Variants in TMEM232 observed in about 807,000 individuals in gnomAD.
TMEM232 encodes transmembrane protein 232.
TMEM232 carries 80 observed loss-of-function variants against 78.8 expected under a neutral mutation model. The observed-to-expected ratio is 1.01, with a 90% CI of 0.85 to 1.22. TMEM232 has a LOEUF of 1.22. Among genes scored for constraint, TMEM232 ranks in the 50% most tolerant of loss-of-function variants. The pLI, the probability that TMEM232 is intolerant of heterozygous loss-of-function variation, is 0.00. For missense variants in TMEM232, 881 were observed against 742.2 expected (o/e 1.19, Z -2.17); for synonymous variants, 297 against 254.3 (o/e 1.17, Z -1.60).
intron 12 of TMEM232, among the ~76,000 whole-genome samples, chr5:110,453,363 G>A (rs539362670): frequency 1.3e-5 from 2 of 151,952 alleles, no homozygotes; most frequent in Non-Finnish European, 2.9e-5. Context: ...GTGCAGTGGT[G>A]CAATCTTGGC....
chr5:110,647,720 T>A (rs1580492571), intron 2 of TMEM232, among the ~76,000 whole-genome samples: 1 of 152,058 alleles, frequency 6.6e-6, no homozygotes, highest in East Asian at 1.9e-4. Flanking sequence ...ATCCAATAAT[T>A]CCTTTATTGA....
chr5:110,714,094 C>T (rs149252560), intron 1 of TMEM232, among the ~76,000 whole-genome samples: 1 of 152,278 alleles, frequency 6.6e-6, no homozygotes, highest in Non-Finnish European at 1.5e-5. Context: ...CTCACCCTGC[C>T]ATGGACTCTT....
intron 5 of TMEM232, among the ~76,000 whole-genome samples, chr5:110,631,339 T>C (rs1039450447): frequency 3.3e-5 from 5 of 152,106 alleles, no homozygotes; most frequent in Non-Finnish European, 7.4e-5. Context: ...ACAAATTCTG[T>C]GATCAGGCTT....
chr5:110,590,609 C>A (rs1415817567), intron 10 of TMEM232, among the ~76,000 whole-genome samples: 1 of 152,056 alleles, frequency 6.6e-6, no homozygotes, highest in South Asian at 2.1e-4. Flanking sequence ...GGAAACTGGT[C>A]TCTGGTGCCA....
At chr5:110,610,442 C>A in intron 8 of TMEM232, 1 of 322,148 alleles carries the variant, frequency 3.1e-6, no homozygotes, top group Non-Finnish European at 6.1e-6. Flanking sequence ...AATAAAAACC[C>A]CTAAGCACAG....
intron 12 of TMEM232, among the ~76,000 whole-genome samples, chr5:110,490,154 AAAGAAAGAAAG>A (rs1764901404): frequency 7.1e-6 from 1 of 140,558 alleles, no homozygotes; most frequent in Non-Finnish European, 1.5e-5. Context: ...AGAAAGAAAG[AAAGAAAGAAAG>A]AAAGAAAGAA....
At chr5:110,649,869 G>A (rs1330864739) in intron 2 of TMEM232, among the ~76,000 whole-genome samples, 1 of 152,050 alleles carries the variant, frequency 6.6e-6, no homozygotes, top group African/African-American at 2.4e-5. Context: ...CATCCCAGGA[G>A]CCAGACTTCC....
intron 12 of TMEM232, among the ~76,000 whole-genome samples, chr5:110,486,375 G>T (rs1409298340): frequency 6.6e-6 from 1 of 151,926 alleles, no homozygotes. Context: ...TTGGGTTCTT[G>T]GTCATGAAAT....
intron 1 of TMEM232, among the ~76,000 whole-genome samples, chr5:110,685,385 G>A (rs1490932567): frequency 6.6e-6 from 1 of 152,046 alleles, no homozygotes; most frequent in African/African-American, 2.4e-5. Context: ...AACAAAATCT[G>A]AGAAAGATCA....
chr5:110,640,367 G>A (rs1316153724), intron 4 of TMEM232, among the ~76,000 whole-genome samples: 2 of 151,950 alleles, frequency 1.3e-5, no homozygotes, highest in Non-Finnish European at 2.9e-5. Flanking sequence ...AAATGATAGT[G>A]ATGGAAAGAA....
intron 10 of TMEM232, among the ~76,000 whole-genome samples, chr5:110,589,633 C>A (rs980212399): frequency 6.6e-6 from 1 of 152,008 alleles, no homozygotes; most frequent in African/African-American, 2.4e-5. Context: ...ACTTTTATTG[C>A]CTCAGTTTTC....
At chr5:110,514,167 T>C (rs1768231334) in intron 12 of TMEM232, among the ~76,000 whole-genome samples, 1 of 152,168 alleles carries the variant, frequency 6.6e-6, no homozygotes, top group South Asian at 2.1e-4. Flanking sequence ...TTTCATACTA[T>C]GTCTTATCAC....
rs139193427 is a variant in TMEM232, at chr5:110,689,510, C to G, written c.-12-22146G>C. 2.0e-5 allele frequency among the ~76,000 whole-genome samples: 3 copies of G among 151,992 alleles called. No homozygotes were observed. In the East Asian group the frequency reaches 5.8e-4, roughly 29 times the overall value. On this transcript the variant is annotated intron_variant, in intron 1 of 13. Transcript: ENST00000455884. ...AAGTGTTTACAGGTGCTTTAGAAACCCTTGGACAAGATAGGAAGAATCAAT... is the reference window on the plus strand; with the variant it reads ...AAGTGTTTACAGGTGCTTTAGAAACGCTTGGACAAGATAGGAAGAATCAAT...
Position 110,528,813 on chromosome 5 carries a change from T to C in TMEM232, c.1478A>G (p.Asp493Gly). The C allele has an allele frequency of 6.7e-7, 1 of 1,488,222 alleles. No homozygotes were observed. The highest frequency in any genetic ancestry group is 2.2e-5 in the Admixed American group (1 of 46,296). 92.2% of individuals were successfully genotyped at this position (1,488,222 alleles called of 1,614,324 possible). ...IAQAELNDPT[D>G]PFTRYSTNIS... is the part of the protein sequence containing the mutation. ...ATTTGTACTATATCTAGTGAAAGGA[T>C]CAGTTGGGTCATTTAACTCAGCCTG... The change falls in exon 12 of 14, where the codon GAT becomes GGT. Residue 493 changes from aspartate to glycine, a missense_variant. Asp to Gly is a moderately conservative substitution (Grantham distance 94). Coordinates refer to ENST00000455884, the MANE Select transcript of TMEM232 (RefSeq NM_001039763.4).
At position 110,429,480 on chromosome 5, in the gene TMEM232, G is replaced by A. The variant is rs112637266; in HGVS notation, c.1704-4564C>T. On this transcript the variant is annotated intron_variant, in intron 12 of 13. Coordinates refer to ENST00000455884, the MANE Select transcript of TMEM232 (RefSeq NM_001039763.4). Reference sequence around the variant, plus strand: ...CATACTGGTAAAAAGTGAGTGTCCCGTTAGGCAGGAGATATTCCCCAGGAG... The same window carrying A: ...CATACTGGTAAAAAGTGAGTGTCCCATTAGGCAGGAGATATTCCCCAGGAG... 6.1e-3 allele frequency among the ~76,000 whole-genome samples: 930 copies of A among 151,848 alleles called. 10 individuals carry two copies. Among genetic ancestry groups the A allele is most frequent in the African/African-American group, 0.021 (866 of 41,490 alleles).
In TMEM232 at chr5:110,559,676, A is replaced by G. The variant is rs867458951; in HGVS notation, c.1455+8771T>C. On this transcript the variant is annotated intron_variant, in intron 11 of 13. Transcript: ENST00000455884. ...ACGTTAAAAAGGCTGAAAATTTTTC[A>G]GTATTGGTAAGGATTATGTATTAGT... is the stretch of plus-strand genomic sequence containing the variant. Among the ~76,000 whole-genome samples the G allele has an allele frequency of 3.9e-5, 6 of 152,314 alleles. No individual in the cohort carries two copies. The East Asian group carries it at 1.2e-3, about 29-fold the overall frequency.
intron 12 of TMEM232, among the ~76,000 whole-genome samples, chr5:110,484,120 AT>A (rs1764208226): frequency 6.6e-6 from 1 of 152,096 alleles, no homozygotes; most frequent in South Asian, 2.1e-4. Context: ...TTAAGTACAC[AT>A]GGATATAAAG....
chr5:110,585,171 C>T (rs374585643), intron 10 of TMEM232, among the ~76,000 whole-genome samples: 3 of 152,024 alleles, frequency 2.0e-5, no homozygotes, highest in African/African-American at 7.2e-5. Flanking sequence ...AAAGTTCCAG[C>T]GTGTGTTTTT....
chr5:110,584,262 CAG>C (rs1778546318), intron 10 of TMEM232, among the ~76,000 whole-genome samples: 1 of 151,664 alleles, frequency 6.6e-6, no homozygotes, highest in Non-Finnish European at 1.5e-5. Flanking sequence ...TGTCTGTTGA[CAG>C]ATGAATGGAT....
Sources: allele counts gnomAD v4.1 joint callset (sites outside exome capture counted in the v4.1 genomes callset), GRCh38; gene constraint gnomAD v4.1.1; transcripts MANE v1.5; gene names NCBI Gene and HGNC (gene_info 2026-07-23, HGNC 2026-07-21).